The following TOMM40L variants were observed in gnomAD, a reference collection of about 807,000 sequenced individuals.
TOMM40L encodes the protein mitochondrial import receptor subunit TOM40B.
In TOMM40L, 17 loss-of-function variants were observed where a neutral mutation model predicts 38.3. The ratio of observed to expected loss-of-function variants is 0.44; its 90% CI spans 0.30 to 0.67. The LOEUF is 0.67. Ranked by LOEUF, TOMM40L falls within the 30% of genes least tolerant of loss-of-function variation. The pLI is 0.08. For synonymous variants in TOMM40L, 151 were observed against 150.2 expected (o/e 1.01, Z -0.04); for missense variants, 294 against 390.0 (o/e 0.75, Z 2.07).
rs779445504 is a variant in TOMM40L at position 161,229,142 on chromosome 1, G to A, written c.*47G>A. The A allele has an allele frequency of 6.2e-7, 1 of 1,613,926 alleles. No individual in the cohort carries two copies. Among genetic ancestry groups the A allele is most frequent in the Non-Finnish European group, 8.5e-7 (1 of 1,179,916 alleles). On this transcript the variant is annotated 3_prime_UTR_variant, in exon 10 of 10. Coordinates refer to ENST00000367988, the MANE Select transcript of TOMM40L (RefSeq NM_032174.6). ...ACAGCAGCTGGAACCTCTGAGTCAG[G>A]TGCCCTAGGGCCAAAGACTAGGCCC...
At chr1:161,227,029 T>C (rs1348948368) in intron 3 of TOMM40L, 74 bp downstream of exon 3, 2 of 1,572,018 alleles carry the variant, frequency 1.3e-6, no homozygotes. Context: ...CTTTCCTTTG[T>C]ACTCCAGCCC....
chr1:161,229,323 C>T lies in TOMM40L; in HGVS notation c.*228C>T. 4.7e-6 allele frequency: 3 copies of T among 644,754 alleles called. No homozygotes were observed. The allele number at this position is 644,754 out of a possible 1,614,324, so 39.9% of individuals were successfully genotyped here. On this transcript the variant is annotated 3_prime_UTR_variant, in exon 10 of 10. Coordinates refer to ENST00000367988, the MANE Select transcript of TOMM40L (RefSeq NM_032174.6). ...CTGCTACCAGCCCCAGTATCACCTT[C>T]CCCATGCTCTTGTGGCTGTGGACTA...
At position 161,230,587 on chromosome 1, in the gene TOMM40L, T is replaced by TAAA. The variant is rs66513069; in HGVS notation, c.*1500_*1502dup. On this transcript the variant is annotated 3_prime_UTR_variant, in exon 10 of 10. Transcript: ENST00000367988. ...GCTACTACTTTGCATCTGTACTGAA[T>TAAA]AAAAAAAAAATCTGGAAAAAGTGAG... 1 of 554,468 alleles carries TAAA rather than the reference T, an allele frequency of 1.8e-6. No individual in the cohort carries two copies. The highest frequency in any genetic ancestry group is 3.1e-6 in the Non-Finnish European group (1 of 318,104). 34.3% of individuals were successfully genotyped at this position (554,468 alleles called of 1,614,324 possible).
chr1:161,226,403 A>G lies in TOMM40L; in HGVS notation c.-87A>G. On this transcript the variant is annotated 5_prime_UTR_variant, in exon 2 of 10. An upstream start codon of the reference 5' UTR is lost. Coordinates refer to ENST00000367988, the MANE Select transcript of TOMM40L (RefSeq NM_032174.6). ...GTTTCTGAGGCTGGGGAGCCGGATA[A>G]TGGGGGGTGGGGCCCGTTGGGGGGT... 1.7e-6 allele frequency: 2 copies of G among 1,178,340 alleles called. No individual in the cohort carries two copies. The allele number at this position is 1,178,340 out of a possible 1,614,324, so 73.0% of individuals were successfully genotyped here.
At position 161,230,110 on chromosome 1, in the gene TOMM40L, C is replaced by T. The variant is rs868698879; in HGVS notation, c.*1015C>T. On this transcript the variant is annotated 3_prime_UTR_variant, in exon 10 of 10. Coordinates refer to ENST00000367988, the MANE Select transcript of TOMM40L (RefSeq NM_032174.6). ...CAAAGGTCCTCCAGGGGGCCTCGGT[C>T]TGACACTGTCTTCTCTCACCATGCT... 3.2e-6 allele frequency: 2 copies of T among 634,872 alleles called. No homozygotes were observed. The highest frequency in any genetic ancestry group is 1.8e-5 in the African/African-American group (1 of 54,414). The allele number at this position is 634,872 out of a possible 1,614,324, so 39.3% of individuals were successfully genotyped here. A position where few individuals can be genotyped will look rare whatever the true frequency, so the allele number is the denominator to read the frequency against.
rs1208963240 is a variant in TOMM40L, at chr1:161,229,116, C to A, written c.*21C>A. On this transcript the variant is annotated 3_prime_UTR_variant, in exon 10 of 10. Coordinates refer to ENST00000367988, the MANE Select transcript of TOMM40L (RefSeq NM_032174.6). ...GCTGAGGTTGTCCAGAGCCAGCCCCCACAGCAGCTGGAACCTCTGAGTCAG... is the reference window on the plus strand; with the variant it reads ...GCTGAGGTTGTCCAGAGCCAGCCCCAACAGCAGCTGGAACCTCTGAGTCAG... The A allele has an allele frequency of 1.2e-5, 20 of 1,614,022 alleles. No homozygotes were observed. Among genetic ancestry groups the A allele is most frequent in the Non-Finnish European group, 1.7e-5 (20 of 1,180,012 alleles).
Position 161,229,240 on chromosome 1 carries a change from T to C in TOMM40L, c.*145T>C. The stretch of plus-strand genomic sequence containing the variant: ...AGTGGTGGACAGGACCATGCCCTCC[T>C]CAGAACTGGAGCTGCCACAGGGGCA... On this transcript the variant is annotated 3_prime_UTR_variant, in exon 10 of 10. Coordinates refer to ENST00000367988, the MANE Select transcript of TOMM40L (RefSeq NM_032174.6). 1.7e-6 allele frequency: 2 copies of C among 1,197,642 alleles called. No homozygotes were observed. The highest frequency in any genetic ancestry group is 2.3e-6 in the Non-Finnish European group (2 of 862,102). The allele number at this position is 1,197,642 out of a possible 1,614,324, so 74.2% of individuals were successfully genotyped here. A position where few individuals can be genotyped will look rare whatever the true frequency, so the allele number is the denominator to read the frequency against.
intron 4 of TOMM40L, 35 bp from the exon 5 acceptor site, chr1:161,227,601 G>A (rs1666430044): frequency 1.9e-6 from 3 of 1,573,650 alleles, no homozygotes; most frequent in East Asian, 2.2e-5. Context: ...GGTGCCATCC[G>A]GCTCAGCCTT....
Position 161,228,468 on chromosome 1 carries a change from G to T in TOMM40L, c.648G>T (p.Gly216=). The change falls in exon 8 of 10, where the codon GGG becomes GGT. Residue 216 remains glycine, a synonymous_variant. Coordinates refer to ENST00000367988, the MANE Select transcript of TOMM40L (RefSeq NM_032174.6). The part of the protein sequence containing the change: ...WVATLNVGSG[G]AHASYYHRAN... ...CTACATTGAATGTGGGATCAGGCGG[G>T]GCCCATGCAAGTTACTACCACAGGG... 1 of 1,614,046 alleles carries T rather than the reference G, an allele frequency of 6.2e-7. No individual in the cohort carries two copies. Among genetic ancestry groups the T allele is most frequent in the Non-Finnish European group, 8.5e-7 (1 of 1,180,000 alleles).
chr1:161,227,127 CCTT>C, intron 3 of TOMM40L, 128 bp from the exon 4 acceptor site: 1 of 1,165,276 alleles, frequency 8.6e-7, no homozygotes, highest in Non-Finnish European at 1.3e-6. Context: ...AATCCGATGA[CCTT>C]CTCTGTATAT....
intron 8 of TOMM40L, 77 bp downstream of exon 8, chr1:161,228,581 T>C: frequency 1.3e-6 from 2 of 1,580,676 alleles, no homozygotes; most frequent in Non-Finnish European, 1.7e-6. Flanking sequence ...TCTATCGCCC[T>C]GCTGACCTAT....
At position 161,229,913 on chromosome 1, in the gene TOMM40L, T is replaced by A; in HGVS notation, c.*818T>A. ...AGCTCAGCCAGCAGGCCTAGCAACT[T>A]CGCATACAGAAACCTTTGGAGGAAG... is the stretch of plus-strand genomic sequence containing the variant. On this transcript the variant is annotated 3_prime_UTR_variant, in exon 10 of 10. Transcript: ENST00000367988. The A allele has an allele frequency of 6.2e-7, 1 of 1,614,144 alleles. No homozygotes were observed. Among genetic ancestry groups the A allele is most frequent in the South Asian group, 1.1e-5 (1 of 91,082 alleles).
Position 161,229,422 on chromosome 1 carries a change from T to C in TOMM40L, c.*327T>C. The C allele has an allele frequency of 1.6e-6, 1 of 627,696 alleles. No individual in the cohort carries two copies. Among genetic ancestry groups the C allele is most frequent in the Non-Finnish European group, 2.7e-6 (1 of 365,604 alleles). 38.9% of individuals were successfully genotyped at this position (627,696 alleles called of 1,614,324 possible). ...CCTCAGGCTTCCTTCTTCCTTTCCC[T>C]TTGGTTAATCCTGCATGGGATTAGC... On this transcript the variant is annotated 3_prime_UTR_variant, in exon 10 of 10. Transcript: ENST00000367988.
intron 3 of TOMM40L, 40 bp downstream of exon 3, chr1:161,226,995 T>C (rs922264471): frequency 1.9e-6 from 3 of 1,610,116 alleles, no homozygotes; most frequent in Non-Finnish European, 2.5e-6. Context: ...TATTCCCCCT[T>C]TCCTGTCCCT....
intron 3 of TOMM40L, 48 bp from the exon 4 acceptor site, chr1:161,227,210 A>G (rs1666403606): frequency 1.3e-6 from 2 of 1,556,258 alleles, no homozygotes; most frequent in Non-Finnish European, 1.8e-6. Flanking sequence ...TGAGGGATTG[A>G]AGTGGAGCAG....
rs1306527221 is a variant in TOMM40L, at chr1:161,230,191, TG to T, written c.*1098del. On this transcript the variant is annotated 3_prime_UTR_variant, in exon 10 of 10. Coordinates refer to ENST00000367988, the MANE Select transcript of TOMM40L (RefSeq NM_032174.6). ...CCGAGTGTGAAGAAAGCTCCAGACT[TG>T]GCCAGAACTCCAACCATGTGGAATC... 2.2e-6 allele frequency: 1 copy of T among 460,682 alleles called. No homozygotes were observed. Among genetic ancestry groups the T allele is most frequent in the African/African-American group, 2.0e-5 (1 of 50,530 alleles). The allele number at this position is 460,682 out of a possible 1,614,324, so 28.5% of individuals were successfully genotyped here.
Position 161,226,416 on chromosome 1 carries a change from C to T in TOMM40L, c.-74C>T, listed in dbSNP as rs1039467063. The stretch of plus-strand genomic sequence containing the variant: ...GGGAGCCGGATAATGGGGGGTGGGG[C>T]CCGTTGGGGGGTAAAGGGGCAATAG... On this transcript the variant is annotated 5_prime_UTR_variant, in exon 2 of 10. Coordinates refer to ENST00000367988, the MANE Select transcript of TOMM40L (RefSeq NM_032174.6). 2.5e-5 allele frequency: 33 copies of T among 1,322,412 alleles called. No homozygotes were observed. The highest frequency in any genetic ancestry group is 3.4e-5 in the Non-Finnish European group (33 of 958,756). 81.9% of individuals were successfully genotyped at this position (1,322,412 alleles called of 1,614,324 possible).
rs1666632368 is a variant in TOMM40L, at chr1:161,229,553, G to A, written c.*458G>A. 7.5e-7 allele frequency: 1 copy of A among 1,327,870 alleles called. No individual in the cohort carries two copies. The highest frequency in any genetic ancestry group is 1.5e-5 in the African/African-American group (1 of 68,362). The allele number at this position is 1,327,870 out of a possible 1,614,324, so 82.3% of individuals were successfully genotyped here. ...TGGGGCCCACCCATTCCCAGAAGGA[G>A]CTTCTTTACCTCTTAGCCCTGAGGT... On this transcript the variant is annotated 3_prime_UTR_variant, in exon 10 of 10. Transcript: ENST00000367988.
At chr1:161,226,997 C>A (rs372034727) in intron 3 of TOMM40L, 42 bp downstream of exon 3, 2 of 1,609,332 alleles carry the variant, frequency 1.2e-6, no homozygotes, top group African/African-American at 2.7e-5. Context: ...TTCCCCCTTT[C>A]CTGTCCCTGG....
Sources: allele counts gnomAD v4.1 joint callset, GRCh38; gene constraint gnomAD v4.1.1; transcripts MANE v1.5; gene names NCBI Gene and HGNC (gene_info 2026-07-23, HGNC 2026-07-21).